Variants in KLF6 observed in about 807,000 individuals in gnomAD.
KLF6 encodes Krueppel-like factor 6.
For missense variants in KLF6, 233 were observed against 359.8 expected (o/e 0.65, Z 2.85); for synonymous variants, 152 against 147.9 (o/e 1.03, Z -0.20).
At chr10:3,784,819 C>T (rs1832613520) in intron 1 of KLF6, 94 bp downstream of exon 1, 2 of 1,206,654 alleles carry the variant, frequency 1.7e-6, no homozygotes, top group African/African-American at 1.6e-5. Context: ...GGCCCAGGCC[C>T]AGCGGACCGC....
At position 3,780,132 on chromosome 10, in the gene KLF6, C is replaced by T; in HGVS notation, c.774G>A (p.Lys258=). The change falls in exon 3 of 4, where the codon AAG becomes AAA. Residue 258 remains lysine (K), a synonymous_variant. Transcript: ENST00000497571. The surrounding 1 kb of genome is among the most constrained non-coding windows in gnomAD (Gnocchi z 4.6). ...TGTCACAGTGGGAGCATTTAAAAGG[C>T]TTGGCCCCGGTGTGCTTTCGGAAGT... ...TRHFRKHTGA[K]PFKCSHCDRC... 1 of 1,614,232 alleles carries T rather than the reference C, an allele frequency of 6.2e-7. No individual in the cohort carries two copies. Among genetic ancestry groups the T allele is most frequent in the East Asian group, 2.2e-5 (1 of 44,880 alleles).
Position 3,777,231 on chromosome 10 carries a change from A to T in KLF6, c.*2308T>A, listed in dbSNP as rs1196163444. 1 of 515,978 alleles carries T rather than the reference A, an allele frequency of 1.9e-6. No homozygotes were observed. Among genetic ancestry groups the T allele is most frequent in the Non-Finnish European group, 3.8e-6 (1 of 265,400 alleles). 32.0% of individuals were successfully genotyped at this position (515,978 alleles called of 1,614,324 possible). On this transcript the variant is annotated 3_prime_UTR_variant, in exon 4 of 4. Transcript: ENST00000497571. ...ACTCACATGTGTGTATATATATATA[A>T]AGCAAAGAGCCACACCCACAAGCCA...
Position 3,782,885 on chromosome 10 carries a change from T to C in KLF6, c.103-671A>G, listed in dbSNP as rs1321442018. Among the ~76,000 whole-genome samples, 3 of 152,252 alleles carry C rather than the reference T, an allele frequency of 2.0e-5. No individual in the cohort carries two copies. Among genetic ancestry groups the C allele is most frequent in the Non-Finnish European group, 4.4e-5 (3 of 68,046 alleles). Reference sequence around the variant, plus strand: ...CCGTTCCCAAGTGCAGGCCCTTGCATGACACAGAACTTTAATTACTTCTAC... The same window carrying C: ...CCGTTCCCAAGTGCAGGCCCTTGCACGACACAGAACTTTAATTACTTCTAC... On this transcript the variant is annotated intron_variant, in intron 1 of 3. Coordinates refer to ENST00000497571, the MANE Select transcript of KLF6 (RefSeq NM_001300.6). The surrounding 1 kb of genome is among the most constrained non-coding windows in gnomAD (Gnocchi z 4.3).
rs760295888 is a variant in KLF6 at position 3,782,038 on chromosome 10, C to T, written c.279G>A (p.Pro93=). 15 of 1,614,064 alleles carry T rather than the reference C, an allele frequency of 9.3e-6. No individual in the cohort carries two copies. Among genetic ancestry groups the T allele is most frequent in the African/African-American group, 8.0e-5 (6 of 74,924 alleles). Reference sequence around the variant, plus strand: ...TGGTCTCTAAGTTGTAACAAAAGCTCGGGCTGATGAGAGTGTCCTCTGGAG... The same window carrying T: ...TGGTCTCTAAGTTGTAACAAAAGCTTGGGCTGATGAGAGTGTCCTCTGGAG... ...SSPPEDTLIS[P]SFCYNLETNS... is the part of the protein sequence containing the mutation. The change falls in exon 2 of 4, where the codon CCG becomes CCA. Residue 93 remains proline (P), a synonymous_variant. Transcript: ENST00000497571. The surrounding 1 kb of genome is among the most constrained non-coding windows in gnomAD (Gnocchi z 4.3).
rs963292901 is a variant in KLF6 at position 3,779,083 on chromosome 10, C to G, written c.*456G>C. ...TTTTTTTTCTAAGGTGCAGACACCC[C>G]CTCCCCCCAAGGAAATGATTGGTGG... On this transcript the variant is annotated 3_prime_UTR_variant, in exon 4 of 4. Transcript: ENST00000497571. The G allele has an allele frequency of 1.1e-5, 6 of 535,714 alleles. No homozygotes were observed. Among genetic ancestry groups the G allele is most frequent in the Non-Finnish European group, 2.2e-5 (6 of 277,254 alleles). 33.2% of individuals were successfully genotyped at this position (535,714 alleles called of 1,614,324 possible).
rs1832386425 is a variant in KLF6 at position 3,776,723 on chromosome 10, T to C, written c.*2816A>G. On this transcript the variant is annotated 3_prime_UTR_variant, in exon 4 of 4. Transcript: ENST00000497571. ...CTTCCAAAAAAAAAAAAAAAAGAAATTTCACTAATAGAAATTTTTTTTTAA... is the reference window on the plus strand; with the variant it reads ...CTTCCAAAAAAAAAAAAAAAAGAAACTTCACTAATAGAAATTTTTTTTTAA... The C allele has an allele frequency of 2.1e-6, 1 of 480,106 alleles. No homozygotes were observed. Among genetic ancestry groups the C allele is most frequent in the African/African-American group, 2.0e-5 (1 of 49,150 alleles). The allele number at this position is 480,106 out of a possible 1,614,324, so 29.7% of individuals were successfully genotyped here.
In KLF6 at chr10:3,785,018, G is replaced by C; in HGVS notation, c.-4C>G. On this transcript the variant is annotated 5_prime_UTR_variant, in exon 1 of 4. Coordinates refer to ENST00000497571, the MANE Select transcript of KLF6 (RefSeq NM_001300.6). ...TGCACATGGGGAGCACGTCCATGTC[G>C]GGCCGGGTTGGACGGAGCCCGCGGT... 1.2e-6 allele frequency: 2 copies of C among 1,610,534 alleles called. No homozygotes were observed. The highest frequency in any genetic ancestry group is 3.3e-5 in the Admixed American group (2 of 59,828).
chr10:3,784,892 A>G (rs773859822), intron 1 of KLF6, 21 bp downstream of exon 1: 9 of 1,583,714 alleles, frequency 5.7e-6, no homozygotes, highest in Non-Finnish European at 7.7e-6. Flanking sequence ...CCCGCAGGGA[A>G]CCGCGGCCGG....
rs567256568 is a variant in KLF6 at position 3,781,969 on chromosome 10, G to C, written c.348C>G (p.Ser116=). 4 of 1,614,044 alleles carry C rather than the reference G, an allele frequency of 2.5e-6. No homozygotes were observed. The highest frequency in any genetic ancestry group is 3.4e-6 in the Non-Finnish European group (4 of 1,180,028). The change falls in exon 2 of 4, where the codon TCC becomes TCG. Residue 116 remains serine, a synonymous_variant. Transcript: ENST00000497571. The surrounding 1 kb of genome is among the most constrained non-coding windows in gnomAD (Gnocchi z 5.8). Reference sequence around the variant, plus strand: ...ACTTGGCCGTGGGAGAAAGTTCCTCGGAGCTGTCAGAGGATTCGCTGCTGA... The same window carrying C: ...ACTTGGCCGTGGGAGAAAGTTCCTCCGAGCTGTCAGAGGATTCGCTGCTGA... ...SDVSSESSDS[S]EELSPTAKFT... is the part of the protein sequence containing the mutation.
rs1400205217 is a variant in KLF6 at position 3,779,132 on chromosome 10, C to T, written c.*407G>A. On this transcript the variant is annotated 3_prime_UTR_variant, in exon 4 of 4. Transcript: ENST00000497571. Reference sequence around the variant, plus strand: ...GGTCATCTCATCTCATGGTATACTCCTTACACACAAAACATTCAAACTACT... The same window carrying T: ...GGTCATCTCATCTCATGGTATACTCTTTACACACAAAACATTCAAACTACT... The T allele has an allele frequency of 1.9e-6, 1 of 538,800 alleles. No homozygotes were observed. The highest frequency in any genetic ancestry group is 1.5e-5 in the South Asian group (1 of 65,208). 33.4% of individuals were successfully genotyped at this position (538,800 alleles called of 1,614,324 possible).
At position 3,782,729 on chromosome 10, in the gene KLF6, C is replaced by T. The variant is rs567298903; in HGVS notation, c.103-515G>A. 8.5e-5 allele frequency among the ~76,000 whole-genome samples: 13 copies of T among 152,338 alleles called. No homozygotes were observed. Among genetic ancestry groups the T allele is most frequent in the African/African-American group, 2.9e-4 (12 of 41,584 alleles). On this transcript the variant is annotated intron_variant, in intron 1 of 3. Transcript: ENST00000497571. This position sits in a 1 kb window ranked among gnomAD's most constrained non-coding sequence, Gnocchi z 4.3. ...GTTCTGAGGGACCCCCTTGGGGACA[C>T]GGCTGACAACACAGGGCCACACTCG...
Position 3,776,932 on chromosome 10 carries a change from C to CTTTTTTTT in KLF6, c.*2599_*2606dup, listed in dbSNP as rs751886217. 7.2e-6 allele frequency: 3 copies of CTTTTTTTT among 417,614 alleles called. No homozygotes were observed. Among genetic ancestry groups the CTTTTTTTT allele is most frequent in the African/African-American group, 4.4e-5 (2 of 45,930 alleles). The allele number at this position is 417,614 out of a possible 1,614,324, so 25.9% of individuals were successfully genotyped here. ...AAGCCAGTGCAAGTTTTTTTTTTTC[C>CTTTTTTTT]TTTTTTTTTTTTTGTCTTTTGCTTA... On this transcript the variant is annotated 3_prime_UTR_variant, in exon 4 of 4. Coordinates refer to ENST00000497571, the MANE Select transcript of KLF6 (RefSeq NM_001300.6).
intron 1 of KLF6, 97 bp downstream of exon 1, chr10:3,784,816 G>C: frequency 1.7e-6 from 2 of 1,168,030 alleles, no homozygotes; most frequent in South Asian, 3.3e-5. Context: ...CGGGGCCCAG[G>C]CCCAGCGGAC....
Position 3,782,105 on chromosome 10 carries a change from C to A in KLF6, c.212G>T (p.Arg71Leu), listed in dbSNP as rs866307815. ...CAGTTCGGATTCCTCCTTTTTCTCCCGAGCCAGAATGATTTTGGTCCACAG... is the reference window on the plus strand; with the variant it reads ...CAGTTCGGATTCCTCCTTTTTCTCCAGAGCCAGAATGATTTTGGTCCACAG... ...EDLWTKIILAREKKEESELKI... is the reference protein window; with the variant it reads ...EDLWTKIILALEKKEESELKI... The change falls in exon 2 of 4, where the codon CGG becomes CTG. Residue 71 changes from arginine (R) to leucine (L), a missense_variant. Physicochemically the swap from Arg to Leu is moderately radical, Grantham distance 102. Transcript: ENST00000497571. The surrounding 1 kb of genome is among the most constrained non-coding windows in gnomAD (Gnocchi z 4.3). 6.2e-7 allele frequency: 1 copy of A among 1,614,014 alleles called. No individual in the cohort carries two copies. The highest frequency in any genetic ancestry group is 8.5e-7 in the Non-Finnish European group (1 of 1,179,968).
Position 3,777,057 on chromosome 10 carries a change from A to G in KLF6, c.*2482T>C, listed in dbSNP as rs1338819370. The G allele has an allele frequency of 1.9e-6, 1 of 517,426 alleles. No homozygotes were observed. The highest frequency in any genetic ancestry group is 3.8e-6 in the Non-Finnish European group (1 of 265,806). The allele number at this position is 517,426 out of a possible 1,614,324, so 32.1% of individuals were successfully genotyped here. A position where few individuals can be genotyped will look rare whatever the true frequency, so the allele number is the denominator to read the frequency against. On this transcript the variant is annotated 3_prime_UTR_variant, in exon 4 of 4. Coordinates refer to ENST00000497571, the MANE Select transcript of KLF6 (RefSeq NM_001300.6). ...CAAGTGCTTGGATTCTGAACTGCCAAAAGAAAACTGCACTTCCCCTCTTAA... is the reference window on the plus strand; with the variant it reads ...CAAGTGCTTGGATTCTGAACTGCCAGAAGAAAACTGCACTTCCCCTCTTAA...
At position 3,785,026 on chromosome 10, in the gene KLF6, T is replaced by C; in HGVS notation, c.-12A>G. On this transcript the variant is annotated 5_prime_UTR_variant, in exon 1 of 4. Transcript: ENST00000497571. ...GGGAGCACGTCCATGTCGGGCCGGG[T>C]TGGACGGAGCCCGCGGTCGCGAGGG... 1 of 1,610,432 alleles carries C rather than the reference T, an allele frequency of 6.2e-7. No homozygotes were observed. Among genetic ancestry groups the C allele is most frequent in the Non-Finnish European group, 8.5e-7 (1 of 1,178,278 alleles).
chr10:3,778,576 G>A lies in KLF6; in HGVS notation c.*963C>T, dbSNP rs747156870. On this transcript the variant is annotated 3_prime_UTR_variant, in exon 4 of 4. Coordinates refer to ENST00000497571, the MANE Select transcript of KLF6 (RefSeq NM_001300.6). ...TTCAGAATCATTTAAAAATAATCCT[G>A]TGTTGCACAATGCCTTTCTGGAAGG... is the stretch of plus-strand genomic sequence containing the variant. 33 of 518,334 alleles carry A rather than the reference G, an allele frequency of 6.4e-5. No homozygotes were observed. The highest frequency in any genetic ancestry group is 5.1e-4 in the South Asian group (33 of 64,524). The allele number at this position is 518,334 out of a possible 1,614,324, so 32.1% of individuals were successfully genotyped here. A position where few individuals can be genotyped will look rare whatever the true frequency, so the allele number is the denominator to read the frequency against.
At chr10:3,779,687 AC>A in intron 3 of KLF6, 97 bp from the exon 4 acceptor site, 1 of 1,113,096 alleles carries the variant, frequency 9.0e-7, no homozygotes. Context: ...GCCCAGCCTA[AC>A]CCCCTGCAGG....
In KLF6 at chr10:3,782,359, C is replaced by T. The variant is rs1832549189; in HGVS notation, c.103-145G>A. On this transcript the variant is annotated intron_variant, in intron 1 of 3. Transcript: ENST00000497571. This position sits in a 1 kb window ranked among gnomAD's most constrained non-coding sequence, Gnocchi z 4.3. ...AGGGGCAAAACCTTTTGTAATTAAGCATCCGTGTCCTTACGGAAGTTAGAG... is the reference window on the plus strand; with the variant it reads ...AGGGGCAAAACCTTTTGTAATTAAGTATCCGTGTCCTTACGGAAGTTAGAG... 1.4e-6 allele frequency: 1 copy of T among 703,602 alleles called. No homozygotes were observed. Among genetic ancestry groups the T allele is most frequent in the South Asian group, 1.5e-5 (1 of 64,752 alleles). 43.6% of individuals were successfully genotyped at this position (703,602 alleles called of 1,614,324 possible). A position where few individuals can be genotyped will look rare whatever the true frequency, so the allele number is the denominator to read the frequency against.
Sources: allele counts gnomAD v4.1 joint callset (sites outside exome capture counted in the v4.1 genomes callset), GRCh38; gene constraint gnomAD v4.1.1; non-coding constraint Gnocchi (gnomAD v3.1); transcripts MANE v1.5; gene names NCBI Gene and HGNC (gene_info 2026-07-23, HGNC 2026-07-21).